The following RNF180 variants were observed in gnomAD, a reference collection of about 807,000 sequenced individuals.
RNF180 encodes E3 ubiquitin-protein ligase RNF180.
In RNF180, 38 loss-of-function variants were observed where a neutral mutation model predicts 59.2. The ratio of observed to expected loss-of-function variants is 0.64; its 90% confidence interval spans 0.50 to 0.84. The LOEUF (loss-of-function observed/expected upper bound fraction) is 0.84, where lower values mean the gene tolerates loss of function less well. RNF180 is among the 40% of genes least tolerant of loss of function. The pLI is 0.00. For missense variants in RNF180, 705 were observed against 700.9 expected, an observed-to-expected ratio of 1.01 and a Z score of -0.07; for synonymous variants, 262 against 240.3, an observed-to-expected ratio of 1.09 and a Z score of -0.84.
intron 1 of RNF180, among the ~76,000 whole-genome samples, chr5:64,196,412 A>G (rs1244265195): frequency 6.6e-6 from 1 of 152,038 alleles, no homozygotes; most frequent in Non-Finnish European, 1.5e-5. Flanking sequence ...GTTTCCTTCT[A>G]TTGCTAGGGT....
At chr5:64,292,381 G>A (rs1333960980) in intron 5 of RNF180, among the ~76,000 whole-genome samples, 1 of 152,108 alleles carries the variant, frequency 6.6e-6, no homozygotes, top group African/African-American at 2.4e-5. Flanking sequence ...ATTTTATAGG[G>A]CTGCTGTGGC....
chr5:64,191,952 C>T (rs898223618), intron 1 of RNF180, among the ~76,000 whole-genome samples: 6 of 152,084 alleles, frequency 3.9e-5, no homozygotes, highest in South Asian at 2.1e-4. Context: ...TAATTCATTT[C>T]GAGTTGATTT....
At chr5:64,307,807 A>T (rs541840714) in intron 5 of RNF180, among the ~76,000 whole-genome samples, 1 of 151,694 alleles carries the variant, frequency 6.6e-6, no homozygotes, top group Non-Finnish European at 1.5e-5. Context: ...GAATGGTTGC[A>T]TGGGGACTTG....
chr5:64,224,069 G>A (rs1211841658), intron 5 of RNF180, among the ~76,000 whole-genome samples: 18 of 145,750 alleles, frequency 1.2e-4, no homozygotes, highest in Admixed American at 4.8e-4. Context: ...TGGGGTGTGT[G>A]TGTGTGTGTG....
At chr5:64,227,038 A>C (rs1423106642) in intron 5 of RNF180, among the ~76,000 whole-genome samples, 1 of 152,136 alleles carries the variant, frequency 6.6e-6, no homozygotes, top group East Asian at 1.9e-4. Context: ...GACTGACGAG[A>C]CTTCACACTG....
chr5:64,329,444 TTTC>T (rs1448429461), intron 6 of RNF180, among the ~76,000 whole-genome samples: 5 of 151,302 alleles, frequency 3.3e-5, no homozygotes, highest in Non-Finnish European at 7.4e-5. Context: ...TTAGATTTTT[TTTC>T]TTTTTTTTTC....
intron 5 of RNF180, among the ~76,000 whole-genome samples, chr5:64,223,720 A>G (rs1741489827): frequency 6.6e-6 from 1 of 152,008 alleles, no homozygotes; most frequent in Non-Finnish European, 1.5e-5. Flanking sequence ...TTTTACTATC[A>G]TATATCTTTA....
At chr5:64,181,686 T>C (rs114445377) in intron 1 of RNF180, among the ~76,000 whole-genome samples, 2,767 of 152,274 alleles carry the variant, frequency 0.018, 91 homozygotes, top group African/African-American at 0.064. Flanking sequence ...CACCAAAGTC[T>C]GGGCAGATCT....
chr5:64,199,562 A>G (rs753542292), intron 1 of RNF180, among the ~76,000 whole-genome samples: 1 of 152,110 alleles, frequency 6.6e-6, no homozygotes, highest in Non-Finnish European at 1.5e-5. Context: ...CATAGTGAGC[A>G]CCTCTGAGAC....
intron 2 of RNF180, among the ~76,000 whole-genome samples, chr5:64,207,646 C>T (rs532501353): frequency 6.6e-6 from 1 of 151,980 alleles, no homozygotes; most frequent in Non-Finnish European, 1.5e-5. Flanking sequence ...TAGAAAGGTA[C>T]CAAGAATTGA....
intron 5 of RNF180, among the ~76,000 whole-genome samples, chr5:64,249,129 G>A (rs1743391480): frequency 6.6e-6 from 1 of 152,190 alleles, no homozygotes; most frequent in South Asian, 2.1e-4. Flanking sequence ...TGGAGGGATA[G>A]CGTTAGGAGA....
Position 64,213,841 on chromosome 5 carries a change from A to G in RNF180, c.515A>G (p.Asn172Ser). 1.9e-6 allele frequency: 3 copies of G among 1,614,132 alleles called. No individual in the cohort carries two copies. Among genetic ancestry groups the G allele is most frequent in the Non-Finnish European group, 2.5e-6 (3 of 1,180,020 alleles). ...AGGCTTTTAAACATGGCCCGAAATA[A>G]TAATGACCCTGGAAGATTAACAGAA... The part of the protein sequence containing the change: ...NHRLLNMARN[N>S]NDPGRLTEAL... Residue 172 changes from asparagine (N) to serine (S), a missense_variant, in exon 4 of 8, where the codon AAT becomes AGT. Asn to Ser is a conservative substitution (Grantham distance 46). Coordinates refer to ENST00000389100, the MANE Select transcript of RNF180 (RefSeq NM_001113561.2).
At chr5:64,367,163 G>A (rs1746484266) in intron 7 of RNF180, among the ~76,000 whole-genome samples, 1 of 151,500 alleles carries the variant, frequency 6.6e-6, no homozygotes, top group East Asian at 1.9e-4. Flanking sequence ...TCCAGACAAG[G>A]AAATGCTGAT....
At chr5:64,348,531 C>G (rs954622013) in intron 7 of RNF180, among the ~76,000 whole-genome samples, 1 of 152,064 alleles carries the variant, frequency 6.6e-6, no homozygotes, top group Admixed American at 6.6e-5. Flanking sequence ...AACTTCCTTT[C>G]AAATGAGCAC....
chr5:64,169,937 G>T (rs1023002614), intron 1 of RNF180, among the ~76,000 whole-genome samples: 2 of 152,212 alleles, frequency 1.3e-5, no homozygotes, highest in African/African-American at 4.8e-5. Flanking sequence ...GATCCAAAAG[G>T]GTTAATGCCT....
At chr5:64,257,062 G>T (rs1309300242) in intron 5 of RNF180, among the ~76,000 whole-genome samples, 1 of 152,192 alleles carries the variant, frequency 6.6e-6, no homozygotes, top group Non-Finnish European at 1.5e-5. Context: ...TGTATCCTGA[G>T]ACTTTGCTGA....
chr5:64,253,383 C>T (rs1442991657), intron 5 of RNF180, among the ~76,000 whole-genome samples: 1 of 152,106 alleles, frequency 6.6e-6, no homozygotes, highest in African/African-American at 2.4e-5. Flanking sequence ...ATTTAACCAT[C>T]ACAACTAGTG....
chr5:64,174,428 A>AT (rs1325032782), intron 1 of RNF180, among the ~76,000 whole-genome samples: 5 of 152,202 alleles, frequency 3.3e-5, no homozygotes, highest in African/African-American at 1.2e-4. Flanking sequence ...CACCAACAGT[A>AT]TGTAAGAATT....
intron 1 of RNF180, among the ~76,000 whole-genome samples, chr5:64,187,938 T>C (rs1385444005): frequency 6.6e-6 from 1 of 152,182 alleles, no homozygotes; most frequent in African/African-American, 2.4e-5. Flanking sequence ...TTTACGTTTT[T>C]GCAGCATTTC....
Sources: gnomAD v4.1 joint callset for allele counts (sites outside exome capture counted in the v4.1 genomes callset) on GRCh38, gnomAD v4.1.1 for gene constraint, MANE v1.5 for transcripts, NCBI Gene and HGNC (gene_info 2026-07-23, HGNC 2026-07-21) for gene names.